PALLD: variants seen among roughly 807,000 people sequenced by gnomAD.
PALLD encodes the protein palladin, cytoskeletal associated protein, also known as palladin.
In PALLD, 61 loss-of-function variants were observed where a neutral mutation model predicts 123.5. That is an observed-to-expected ratio of 0.49 (90% CI 0.40 to 0.61). The LOEUF (loss-of-function observed/expected upper bound fraction) is 0.61. Ranked by LOEUF, PALLD falls within the 20% of genes least tolerant of loss-of-function variation. The pLI is 0.00. For missense variants in PALLD, 1,273 were observed against 1,377.0 expected (o/e 0.92, Z 1.20); for synonymous variants, 465 against 496.4 (o/e 0.94, Z 0.84).
chr4:168,595,899 C>T (rs142049564), intron 2 of PALLD, among the ~76,000 whole-genome samples: 202 of 150,874 alleles, frequency 1.3e-3, no homozygotes, highest in African/African-American at 4.5e-3. Flanking sequence ...TGTAACCAAC[C>T]TGCACATGTA....
chr4:168,910,131 G>A (rs1758608759), intron 15 of PALLD, among the ~76,000 whole-genome samples: 1 of 151,470 alleles, frequency 6.6e-6, no homozygotes. Context: ...GGCAATATTT[G>A]TATATATGGT....
intron 10 of PALLD, among the ~76,000 whole-genome samples, chr4:168,881,469 A>G (rs933098173): frequency 2.0e-5 from 3 of 149,142 alleles, no homozygotes; most frequent in Non-Finnish European, 3.0e-5. Flanking sequence ...CTGTATGTAT[A>G]GAAGTTCCCC....
At position 168,868,764 on chromosome 4, in the gene PALLD, G is replaced by A. The variant is rs1194642845; in HGVS notation, c.1965-22158G>A. On this transcript the variant is annotated intron_variant, in intron 10 of 21. Coordinates refer to ENST00000505667, the MANE Select transcript of PALLD (RefSeq NM_001166108.2). ...CACAAGGGAACTGTTTCCTCTCTCTGTATAGGGACCAACTTTGTTATCTCA... is the reference window on the plus strand; with the variant it reads ...CACAAGGGAACTGTTTCCTCTCTCTATATAGGGACCAACTTTGTTATCTCA... 2.6e-5 allele frequency among the ~76,000 whole-genome samples: 4 copies of A among 152,178 alleles called. No individual in the cohort carries two copies. The East Asian group carries it at 5.8e-4, about 22-fold the overall frequency.
chr4:168,757,290 C>G (rs916514992), intron 10 of PALLD, among the ~76,000 whole-genome samples: 1 of 152,110 alleles, frequency 6.6e-6, no homozygotes, highest in Non-Finnish European at 1.5e-5. Context: ...TTCTAAATCC[C>G]AATGTATTAC....
chr4:168,883,608 CA>C (rs911964155), intron 10 of PALLD, among the ~76,000 whole-genome samples: 3 of 151,902 alleles, frequency 2.0e-5, no homozygotes, highest in Non-Finnish European at 4.4e-5. Flanking sequence ...ATTCAGTAGC[CA>C]AAAAAAGAGA....
chr4:168,520,061 T>A (rs1220247111), intron 2 of PALLD, among the ~76,000 whole-genome samples: 2 of 151,620 alleles, frequency 1.3e-5, no homozygotes, highest in Admixed American at 6.6e-5. Context: ...GCACGGTGGC[T>A]CATGCCTGTA....
At chr4:168,833,102 T>C (rs1744555363) in intron 10 of PALLD, among the ~76,000 whole-genome samples, 1 of 151,754 alleles carries the variant, frequency 6.6e-6, no homozygotes, top group Non-Finnish European at 1.5e-5. Context: ...TTCCCGCCCG[T>C]TTGTCTCATT....
At chr4:168,698,585 T>C (rs1260993525) in intron 8 of PALLD, among the ~76,000 whole-genome samples, 1 of 152,116 alleles carries the variant, frequency 6.6e-6, no homozygotes, top group Non-Finnish European at 1.5e-5. Context: ...ATATTCCTGC[T>C]GGATGCCCAC....
intron 10 of PALLD, among the ~76,000 whole-genome samples, chr4:168,752,330 C>T (rs916577157): frequency 2.2e-4 from 34 of 152,346 alleles, no homozygotes; most frequent in African/African-American, 7.2e-4. Context: ...GCAGAGATCA[C>T]GCCACTGCAG....
intron 1 of PALLD, chr4:168,505,979 C>T (rs530703570): frequency 6.6e-6 from 1 of 152,304 alleles, no homozygotes; most frequent in East Asian, 1.9e-4. Flanking sequence ...TCTCTACATT[C>T]AAACTCCTAC....
Position 168,595,445 on chromosome 4 carries a change from G to A in PALLD, c.909-72745G>A, listed in dbSNP as rs571405359. On this transcript the variant is annotated intron_variant, in intron 2 of 21. Transcript: ENST00000505667. ...CTTCTTTCTTGTACTAGTTCACATCGTTTATGATAAATGCTTAAAAGACTT... is the reference window on the plus strand; with the variant it reads ...CTTCTTTCTTGTACTAGTTCACATCATTTATGATAAATGCTTAAAAGACTT... 1.2e-4 allele frequency among the ~76,000 whole-genome samples: 18 copies of A among 152,158 alleles called. 1 individual carries two copies. Among genetic ancestry groups the A allele is most frequent in the South Asian group, 8.3e-4 (4 of 4,814 alleles).
chr4:168,651,244 A>T (rs1778011001), intron 2 of PALLD, among the ~76,000 whole-genome samples: 1 of 152,226 alleles, frequency 6.6e-6, no homozygotes, highest in Non-Finnish European at 1.5e-5. Context: ...TATACTAGTT[A>T]TTAGGCTCAA....
At chr4:168,666,184 T>G (rs1053656472) in intron 2 of PALLD, among the ~76,000 whole-genome samples, 8 of 152,184 alleles carry the variant, frequency 5.3e-5, no homozygotes, top group Non-Finnish European at 1.0e-4. Flanking sequence ...TTGGCAAATG[T>G]TTCCCTGTGG....
intron 10 of PALLD, among the ~76,000 whole-genome samples, chr4:168,839,824 G>A (rs1298685321): frequency 4.6e-5 from 7 of 152,170 alleles, no homozygotes. Context: ...TTTAAGCCTT[G>A]GGAGAGGATG....
At chr4:168,754,744 A>G (rs1731546316) in intron 10 of PALLD, among the ~76,000 whole-genome samples, 1 of 152,216 alleles carries the variant, frequency 6.6e-6, no homozygotes, top group Admixed American at 6.5e-5. Flanking sequence ...TACACACTAT[A>G]CAGATGTTCA....
chr4:168,631,698 C>G (rs1345923973), intron 2 of PALLD: 12 of 985,362 alleles, frequency 1.2e-5, no homozygotes, highest in Non-Finnish European at 1.3e-5. Context: ...CGGGAGCCGG[C>G]GGGGCCCAGG....
intron 10 of PALLD, among the ~76,000 whole-genome samples, chr4:168,810,787 C>A (rs1646739623): frequency 6.7e-6 from 1 of 149,862 alleles, no homozygotes; most frequent in Middle Eastern, 3.2e-3. Flanking sequence ...CGCAGTCCGG[C>A]CTGGGCGACA....
chr4:168,600,619 A>T (rs369905880), intron 2 of PALLD, among the ~76,000 whole-genome samples: 19 of 152,304 alleles, frequency 1.2e-4, no homozygotes, highest in African/African-American at 4.6e-4. Context: ...AAAAACATGA[A>T]CCCAGAATTT....
At chr4:168,669,238 A>G (rs898844927) in intron 3 of PALLD, among the ~76,000 whole-genome samples, 2 of 152,298 alleles carry the variant, frequency 1.3e-5, no homozygotes, top group Non-Finnish European at 1.5e-5. Context: ...GCCACCATTT[A>G]TAGCTCCTTC....
Sources: gnomAD v4.1 joint callset for allele counts (sites outside exome capture counted in the v4.1 genomes callset) on GRCh38, gnomAD v4.1.1 for gene constraint, MANE v1.5 for transcripts, NCBI Gene and HGNC (gene_info 2026-07-23, HGNC 2026-07-21) for gene names.